ZNF536: variants seen among roughly 807,000 people sequenced by gnomAD.
ZNF536 encodes zinc finger protein 536.
Under a neutral mutation model 84.5 loss-of-function variants are expected in ZNF536, and 13 were observed. The ratio of observed to expected loss-of-function variants is 0.15; its 90% CI spans 0.10 to 0.24. The LOEUF is 0.24. Ranked by LOEUF, ZNF536 falls within the 10% of genes least tolerant of loss-of-function variation. The pLI is 1.00. For synonymous variants in ZNF536, 811 were observed against 742.5 expected (o/e 1.09, Z -1.50); for missense variants, 1,536 against 1,747.5 (o/e 0.88, Z 2.16).
intron 1 of ZNF536, among the ~76,000 whole-genome samples, chr19:30,399,876 C>T (rs1044035611): frequency 2.3e-4 from 35 of 151,870 alleles, no homozygotes; most frequent in Non-Finnish European, 4.4e-4. Context: ...GTGGTAGAGA[C>T]GGGATTTCAC....
chr19:30,531,379 C>T (rs948731008), intron 2 of ZNF536, among the ~76,000 whole-genome samples: 2 of 151,952 alleles, frequency 1.3e-5, no homozygotes, highest in African/African-American at 4.8e-5. Flanking sequence ...CTGGGCAAGT[C>T]CTTCCCAAAA....
At chr19:30,351,953 A>G (rs762244007) in intron 2 of ZNF536, among the ~76,000 whole-genome samples, 14 of 152,362 alleles carry the variant, frequency 9.2e-5, no homozygotes, top group Non-Finnish European at 1.8e-4. Context: ...CAATATAATC[A>G]TATCAATCCC....
intron 1 of ZNF536, among the ~76,000 whole-genome samples, chr19:30,640,503 G>C (rs2049229647): frequency 1.3e-5 from 2 of 152,102 alleles, no homozygotes. Context: ...AATCTCTGGG[G>C]AAGAAGATTA....
At chr19:30,432,018 T>TATATATATATATATATATAC in intron 1 of ZNF536, among the ~76,000 whole-genome samples, 1 of 145,710 alleles carries the variant, frequency 6.9e-6, no homozygotes, top group East Asian at 2.3e-4. Context: ...CACACACACA[T>TATATATATATATATATATAC]ACACACACAC....
intron 2 of ZNF536, among the ~76,000 whole-genome samples, chr19:30,286,190 A>G (rs1027616887): frequency 3.9e-5 from 6 of 152,146 alleles, no homozygotes; most frequent in African/African-American, 1.2e-4. Flanking sequence ...ACCTTTTCAA[A>G]GGGCTTTAAA....
intron 1 of ZNF536, among the ~76,000 whole-genome samples, chr19:30,417,830 G>T (rs576561163): frequency 7.9e-5 from 12 of 152,248 alleles, no homozygotes; most frequent in African/African-American, 2.4e-4. Context: ...CACAATCATT[G>T]CTCACTGCAG....
intron 1 of ZNF536, among the ~76,000 whole-genome samples, chr19:30,251,458 A>G (rs766858951): frequency 3.3e-5 from 5 of 152,160 alleles, no homozygotes; most frequent in Non-Finnish European, 5.9e-5. Context: ...GGAACTCACT[A>G]GTGTTCCTGC....
intron 1 of ZNF536, among the ~76,000 whole-genome samples, chr19:30,413,713 G>A (rs2050591804): frequency 6.6e-6 from 1 of 152,126 alleles, no homozygotes; most frequent in East Asian, 1.9e-4. Context: ...GTATTTTATA[G>A]CTTTGTTGCT....
chr19:30,498,632 T>A (rs755492866), intron 2 of ZNF536, among the ~76,000 whole-genome samples: 7 of 152,012 alleles, frequency 4.6e-5, no homozygotes, highest in Admixed American at 1.3e-4. Flanking sequence ...ATAAAAGTCA[T>A]AGAAACGTCA....
intron 1 of ZNF536, among the ~76,000 whole-genome samples, chr19:30,396,355 A>G (rs1054909231): frequency 6.6e-6 from 1 of 152,198 alleles, no homozygotes; most frequent in Non-Finnish European, 1.5e-5. Context: ...GAAGTGTCCA[A>G]CTTGACTTAT....
chr19:30,236,848 G>T (rs2023562361), intron 1 of ZNF536, among the ~76,000 whole-genome samples: 1 of 152,170 alleles, frequency 6.6e-6, no homozygotes, highest in Non-Finnish European at 1.5e-5. Flanking sequence ...TGCCCGGCAT[G>T]TTGGCATGTT....
intron 2 of ZNF536, among the ~76,000 whole-genome samples, chr19:30,529,141 T>A (rs2145847403): frequency 6.6e-6 from 1 of 152,278 alleles, no homozygotes; most frequent in South Asian, 2.1e-4. Flanking sequence ...AAAACAACGC[T>A]ATTTTATTAT....
intron 2 of ZNF536, among the ~76,000 whole-genome samples, chr19:30,455,844 C>T (rs1339488989): frequency 6.6e-6 from 1 of 152,214 alleles, no homozygotes; most frequent in Non-Finnish European, 1.5e-5. Flanking sequence ...TCATACTTTT[C>T]CAGTCCTTTT....
intron 2 of ZNF536, among the ~76,000 whole-genome samples, chr19:30,311,353 G>A (rs2046497735): frequency 6.6e-6 from 1 of 152,190 alleles, no homozygotes; most frequent in Admixed American, 6.5e-5. Flanking sequence ...AAAACAATAT[G>A]AAGCTGTAGC....
At chr19:30,344,639 G>A (rs1032241953) in intron 2 of ZNF536, among the ~76,000 whole-genome samples, 3 of 151,418 alleles carry the variant, frequency 2.0e-5, no homozygotes, top group Non-Finnish European at 4.4e-5. Flanking sequence ...CTCACTGAGC[G>A]AGTCCCTCGC....
intron 1 of ZNF536, among the ~76,000 whole-genome samples, chr19:30,381,344 G>A (rs1266522945): frequency 3.9e-5 from 6 of 152,130 alleles, no homozygotes; most frequent in Admixed American, 3.9e-4. Flanking sequence ...AGGCAGGGGT[G>A]GATAGAGGCT....
In ZNF536 at chr19:30,664,833, G is replaced by A. The variant is rs1424180446; in HGVS notation, c.170-45924G>A. Reference sequence around the variant, plus strand: ...CCCGCATGTACTCTGGACCCTTCCCGGCTGGGAGGGCTGAGGGCTGATGTC... The same window carrying A: ...CCCGCATGTACTCTGGACCCTTCCCAGCTGGGAGGGCTGAGGGCTGATGTC... On this transcript the variant is annotated intron_variant, in intron 1 of 1. Coordinates refer to the ZNF536 transcript ENST00000592773. 3.3e-5 allele frequency among the ~76,000 whole-genome samples: 5 copies of A among 152,094 alleles called. No individual in the cohort carries two copies. The East Asian group carries it at 5.8e-4, about 18-fold the overall frequency.
intron 1 of ZNF536, among the ~76,000 whole-genome samples, chr19:30,426,629 T>C (rs929905839): frequency 1.3e-5 from 2 of 152,166 alleles, no homozygotes; most frequent in African/African-American, 4.8e-5. Flanking sequence ...AGCTATTTAA[T>C]GAGCACCCAC....
upstream of ZNF536, among the ~76,000 whole-genome samples, chr19:30,225,839 C>T (rs1422012750): frequency 6.7e-6 from 1 of 148,408 alleles, no homozygotes; most frequent in Non-Finnish European, 1.5e-5. Flanking sequence ...CCCATCTCGG[C>T]GAGGCCTGCC....
Sources: allele counts gnomAD v4.1 joint callset (sites outside exome capture counted in the v4.1 genomes callset), GRCh38; gene constraint gnomAD v4.1.1; transcripts MANE v1.5; gene names NCBI Gene and HGNC (gene_info 2026-07-23, HGNC 2026-07-21).